Variants in CEBPZ observed in about 807,000 individuals in gnomAD.
CEBPZ encodes the protein CCAAT enhancer binding protein zeta, also known as CCAAT/enhancer-binding protein zeta.
CEBPZ carries 78 observed loss-of-function variants against 104.5 expected under a neutral mutation model. The ratio of observed to expected loss-of-function variants is 0.75; its 90% confidence interval spans 0.62 to 0.90. CEBPZ has a LOEUF of 0.90. Among genes scored for constraint, CEBPZ ranks in the 40% least tolerant of loss-of-function variants. The pLI, the probability that CEBPZ is intolerant of heterozygous loss-of-function variation, is 0.00. For missense variants in CEBPZ, 1,439 were observed against 1,233.5 expected, an observed-to-expected ratio of 1.17 and a Z score of -2.50; for synonymous variants, 470 against 427.0, an observed-to-expected ratio of 1.10 and a Z score of -1.24.
intron 13 of CEBPZ, chr2:37,203,264 C>G (rs547358734): frequency 1.4e-4 from 38 of 265,456 alleles, no homozygotes; most frequent in Non-Finnish European, 2.2e-4. Flanking sequence ...GGCCACTGAT[C>G]GAAGTTTTAC....
chr2:37,217,714 A>G (rs1664651509), intron 5 of CEBPZ, among the ~76,000 whole-genome samples: 1 of 150,754 alleles, frequency 6.6e-6, no homozygotes. Context: ...CATCCTGGCT[A>G]ACATGGTGAA....
chr2:37,217,064 A>C, intron 5 of CEBPZ, 27 bp from the exon 6 acceptor site: 2 of 1,580,886 alleles, frequency 1.3e-6, no homozygotes, highest in Non-Finnish European at 8.7e-7. Flanking sequence ...GAATAATATC[A>C]ATATTTCTAA....
chr2:37,223,461 C>A, intron 2 of CEBPZ, 60 bp from the exon 3 acceptor site: 2 of 1,425,500 alleles, frequency 1.4e-6, no homozygotes, highest in South Asian at 2.4e-5. Flanking sequence ...AACCAATGGT[C>A]ACATATTAGA....
intron 4 of CEBPZ, among the ~76,000 whole-genome samples, chr2:37,220,822 C>T (rs990102129): frequency 2.0e-5 from 3 of 151,956 alleles, no homozygotes; most frequent in African/African-American, 7.3e-5. Flanking sequence ...GAAACCCCAT[C>T]TCTTACAAAA....
chr2:37,226,924 A>C (rs964248868), intron 2 of CEBPZ, among the ~76,000 whole-genome samples: 5 of 152,084 alleles, frequency 3.3e-5, no homozygotes, highest in African/African-American at 4.8e-5. Flanking sequence ...CAACAAAAAA[A>C]ACCCTGCACC....
At chr2:37,202,488 T>A (rs1447756528) in intron 15 of CEBPZ, 1 of 207,076 alleles carries the variant, frequency 4.8e-6, no homozygotes, top group Non-Finnish European at 9.8e-6. Context: ...CTACTAAAAA[T>A]ACAAAAATTA....
chr2:37,212,279 GACA>G (rs1340026626), intron 11 of CEBPZ, 53 bp downstream of exon 11: 25 of 1,484,516 alleles, frequency 1.7e-5, no homozygotes, highest in South Asian at 3.4e-5. Flanking sequence ...TGTTCTGAGG[GACA>G]ACAATTTGGG....
chr2:37,203,062 A>G, intron 13 of CEBPZ, 54 bp from the exon 14 acceptor site: 1 of 1,172,612 alleles, frequency 8.5e-7, no homozygotes, highest in Admixed American at 2.5e-5. Context: ...TGATTTTAGA[A>G]AAATGCAATG....
intron 13 of CEBPZ, among the ~76,000 whole-genome samples, chr2:37,207,601 C>T (rs1046384535): frequency 1.0e-4 from 15 of 145,526 alleles, no homozygotes; most frequent in African/African-American, 1.6e-4. Context: ...ATTTTTTGAA[C>T]TGAACAATAG....
At chr2:37,207,775 CCAG>C (rs1677587736) in intron 13 of CEBPZ, among the ~76,000 whole-genome samples, 1 of 152,006 alleles carries the variant, frequency 6.6e-6, no homozygotes, top group African/African-American at 2.4e-5. Context: ...AAACTCAAAC[CCAG>C]CAGAAGAAAA....
chr2:37,210,225 T>G (rs1284467152), intron 13 of CEBPZ: 1 of 152,200 alleles, frequency 6.6e-6, no homozygotes, highest in Admixed American at 6.5e-5. Context: ...TGGAGAGTCC[T>G]TAAAGAACTG....
At position 37,216,339 on chromosome 2, in the gene CEBPZ, T is replaced by A; in HGVS notation, c.2288A>T (p.Asn763Ile). 1 of 1,613,840 alleles carries A rather than the reference T, an allele frequency of 6.2e-7. No homozygotes were observed. The highest frequency in any genetic ancestry group is 8.5e-7 in the Non-Finnish European group (1 of 1,179,876). Residue 763 changes from asparagine (N) to isoleucine (I), a missense_variant, in exon 7 of 16, where the codon AAT becomes ATT. Coordinates refer to ENST00000234170, the MANE Select transcript of CEBPZ (RefSeq NM_005760.3). ...MRFLDRFVYRNPKPHKGKENT... is the reference protein window; with the variant it reads ...MRFLDRFVYRIPKPHKGKENT... ...ACCTTTGCCTTTATGGGGCTTTGGA[T>A]TTCGGTATACAAATCGATCCAAAAA...
intron 4 of CEBPZ, 57 bp from the exon 5 acceptor site, chr2:37,220,530 T>G: frequency 1.2e-6 from 1 of 862,666 alleles, no homozygotes; most frequent in Non-Finnish European, 1.8e-6. Context: ...GCCCAAGAGG[T>G]CATTAAAAGC....
intron 2 of CEBPZ, among the ~76,000 whole-genome samples, chr2:37,224,859 G>A (rs956012200): frequency 6.6e-6 from 1 of 152,212 alleles, no homozygotes; most frequent in African/African-American, 2.4e-5. Flanking sequence ...AACTCCATCT[G>A]TGAGCGCTTT....
At chr2:37,231,384 C>T in intron 1 of CEBPZ, 28 bp downstream of exon 1, 1 of 1,613,280 alleles carries the variant, frequency 6.2e-7, no homozygotes, top group Non-Finnish European at 8.5e-7. Flanking sequence ...CACGCCTGAT[C>T]CCGTTCCCCG....
rs528819355 is a variant in CEBPZ, at chr2:37,222,426, G to C, written c.2019C>G (p.Thr673=). The change falls in exon 4 of 16, where the codon ACC becomes ACG. Residue 673 remains threonine, a synonymous_variant. Transcript: ENST00000234170. Reference sequence around the variant, plus strand: ...CCCAGGAAGCAACCTCTGGTTTTTTGGTTTCTACATCAGTTTCAGGAACTG... The same window carrying C: ...CCCAGGAAGCAACCTCTGGTTTTTTCGTTTCTACATCAGTTTCAGGAACTG... ...EETVPETDVE[T]KKPEVASWVH... is the part of the protein sequence containing the mutation. 14 of 1,597,494 alleles carry C rather than the reference G, an allele frequency of 8.8e-6. No homozygotes were observed. In the Admixed American group the frequency reaches 1.8e-4, roughly 20 times the overall value.
chr2:37,218,504 A>T (rs1664691332), intron 5 of CEBPZ, among the ~76,000 whole-genome samples: 1 of 152,162 alleles, frequency 6.6e-6, no homozygotes, highest in Non-Finnish European at 1.5e-5. Context: ...CCAAAACCAA[A>T]GATTAGTTGT....
chr2:37,219,196 TG>T (rs1309851472), intron 5 of CEBPZ, among the ~76,000 whole-genome samples: 1 of 152,248 alleles, frequency 6.6e-6, no homozygotes, highest in Non-Finnish European at 1.5e-5. Flanking sequence ...CAGTCTTTCA[TG>T]AAAGAGCAGC....
chr2:37,211,216 C>T, intron 12 of CEBPZ, 134 bp from the exon 13 acceptor site: 1 of 544,018 alleles, frequency 1.8e-6, no homozygotes, highest in Non-Finnish European at 3.2e-6. Flanking sequence ...TTTGTAATTC[C>T]ACTAGCATAG....
Sources: allele counts gnomAD v4.1 joint callset (sites outside exome capture counted in the v4.1 genomes callset), GRCh38; gene constraint gnomAD v4.1.1; transcripts MANE v1.5; gene names NCBI Gene and HGNC (gene_info 2026-07-23, HGNC 2026-07-21).